The following PHF14 variants were observed in gnomAD, a reference collection of about 807,000 sequenced individuals.
The protein encoded by PHF14 is PHD finger protein 14.
In PHF14, 55 loss-of-function variants were observed where a neutral mutation model predicts 117.9. The ratio of observed to expected loss-of-function variants is 0.47; its 90% CI spans 0.38 to 0.58. The LOEUF is 0.58. Among genes scored for constraint, PHF14 ranks in the 20% least tolerant of loss-of-function variants. The probability of loss-of-function intolerance (pLI) is 0.00; values close to 1 mark genes in which losing one functional copy is unlikely to be tolerated. For missense variants in PHF14, 978 were observed against 1,122.2 expected (o/e 0.87, Z 1.84); for synonymous variants, 409 against 368.6 (o/e 1.11, Z -1.26).
At chr7:11,072,576 G>A (rs1785653299) in intron 16 of PHF14, among the ~76,000 whole-genome samples, 1 of 152,112 alleles carries the variant, frequency 6.6e-6, no homozygotes, top group Non-Finnish European at 1.5e-5. Flanking sequence ...AAGTAATACC[G>A]TACAAGTAAA....
chr7:10,974,998 T>G, intron 2 of PHF14, 53 bp downstream of exon 2: 1 of 867,466 alleles, frequency 1.2e-6, no homozygotes, highest in Non-Finnish European at 1.8e-6. Context: ...GTTAGGCTTA[T>G]TTTTAGACTT....
chr7:11,077,571 G>T (rs9768601), intron 16 of PHF14, among the ~76,000 whole-genome samples: 1 of 144,404 alleles, frequency 6.9e-6, no homozygotes, highest in Non-Finnish European at 1.5e-5. Context: ...ACTGCACTCC[G>T]GCCTGGCAAC....
chr7:11,066,024 C>T (rs998302616), intron 16 of PHF14, among the ~76,000 whole-genome samples: 1 of 152,162 alleles, frequency 6.6e-6, no homozygotes, highest in Non-Finnish European at 1.5e-5. Flanking sequence ...GCCAGATTCT[C>T]CCCTTTATTT....
chr7:11,027,430 A>G (rs1020028787), intron 6 of PHF14, among the ~76,000 whole-genome samples: 4 of 152,092 alleles, frequency 2.6e-5, no homozygotes, highest in Non-Finnish European at 5.9e-5. Context: ...TTAATTGTCC[A>G]TTGTCAGTCT....
chr7:11,094,258 C>T (rs2128339538), intron 16 of PHF14, among the ~76,000 whole-genome samples: 2 of 152,238 alleles, frequency 1.3e-5, no homozygotes, highest in South Asian at 4.1e-4. Context: ...AAAATTTTTT[C>T]ATAATTTTGG....
At chr7:10,984,092 A>G (rs1042778682) in intron 3 of PHF14, among the ~76,000 whole-genome samples, 2 of 152,160 alleles carry the variant, frequency 1.3e-5, no homozygotes, top group African/African-American at 4.8e-5. Flanking sequence ...TTTCTTTACC[A>G]AACACTTATT....
intron 17 of PHF14, among the ~76,000 whole-genome samples, chr7:11,139,234 A>G (rs373950707): frequency 2.0e-5 from 3 of 152,170 alleles, no homozygotes; most frequent in African/African-American, 7.2e-5. Flanking sequence ...TAAAAAACAT[A>G]TTGAGAGAAA....
intron 5 of PHF14, among the ~76,000 whole-genome samples, chr7:11,014,490 C>G (rs1351510863): frequency 6.6e-6 from 1 of 151,986 alleles, no homozygotes; most frequent in Non-Finnish European, 1.5e-5. Flanking sequence ...ATAGTTAAAC[C>G]CTACTGGATG....
At chr7:11,143,126 C>G (rs939299808) in intron 17 of PHF14, among the ~76,000 whole-genome samples, 1 of 151,982 alleles carries the variant, frequency 6.6e-6, no homozygotes, top group Non-Finnish European at 1.5e-5. Flanking sequence ...TGATAATTGG[C>G]TTTTTCAACA....
chr7:11,106,961 TA>T, intron 16 of PHF14: 1 of 983,866 alleles, frequency 1.0e-6, no homozygotes, highest in Non-Finnish European at 1.2e-6. Flanking sequence ...AACTTGATCA[TA>T]AAAATGTACA....
chr7:11,054,691 C>G (rs564213318), intron 14 of PHF14, among the ~76,000 whole-genome samples: 1 of 152,124 alleles, frequency 6.6e-6, no homozygotes, highest in Non-Finnish European at 1.5e-5. Flanking sequence ...AGCTTACTAA[C>G]TTGTATAAAT....
Position 11,042,698 on chromosome 7 carries a change from G to GAA in PHF14, c.2197_2198dup (p.Asn734ArgfsTer76), listed in dbSNP as rs767216081. 6.3e-7 allele frequency: 1 copy of GAA among 1,583,458 alleles called. No homozygotes were observed. The highest frequency in any genetic ancestry group is 8.6e-7 in the Non-Finnish European group (1 of 1,164,342). On this transcript the variant is annotated frameshift_variant, in exon 13 of 18. Transcript: ENST00000634607. LOFTEE classifies it high-confidence loss of function. Reference sequence around the variant, plus strand: ...TTATTAAAAGTTGTGGGATTTGTAAGAAGAACCATGATCAGCATCTTCTTT... The same window carrying GAA: ...TTATTAAAAGTTGTGGGATTTGTAAGAAAAGAACCATGATCAGCATCTTCTTT...
Position 11,033,855 on chromosome 7 carries a change from A to G in PHF14, c.1456-1785A>G, listed in dbSNP as rs1045920285. Among the ~76,000 whole-genome samples, 4 of 152,300 alleles carry G rather than the reference A, an allele frequency of 2.6e-5. No homozygotes were observed. In the East Asian group the frequency reaches 7.7e-4, roughly 29 times the overall value. On this transcript the variant is annotated intron_variant, in intron 7 of 17. Transcript: ENST00000634607. ...CTGTCACCAAGATTTAGAGCATGTC[A>G]TGAGAAAGCAGCTGTTTGTATGTGT...
intron 17 of PHF14, among the ~76,000 whole-genome samples, chr7:11,138,341 G>A (rs535363412): frequency 2.6e-5 from 4 of 151,904 alleles, no homozygotes; most frequent in East Asian, 1.9e-4. Flanking sequence ...GCGCCTGGCC[G>A]GAAAAATATT....
intron 17 of PHF14, among the ~76,000 whole-genome samples, chr7:11,158,188 T>G (rs1225146221): frequency 6.6e-6 from 1 of 152,172 alleles, no homozygotes; most frequent in Non-Finnish European, 1.5e-5. Flanking sequence ...CAGGATCTCC[T>G]GTTTCATTTT....
At chr7:11,027,600 C>T (rs1341689670) in intron 6 of PHF14, among the ~76,000 whole-genome samples, 2 of 151,832 alleles carry the variant, frequency 1.3e-5, no homozygotes, top group Non-Finnish European at 1.5e-5. Context: ...ACAGTTCATA[C>T]CTTGGTTTTA....
At chr7:11,058,771 A>G (rs554509451) in intron 14 of PHF14, among the ~76,000 whole-genome samples, 55 of 152,364 alleles carry the variant, frequency 3.6e-4, no homozygotes, top group Non-Finnish European at 6.8e-4. Context: ...GGATTAAAGT[A>G]TTAATCTTGG....
intron 16 of PHF14, among the ~76,000 whole-genome samples, chr7:11,087,472 G>A (rs2128337887): frequency 6.6e-6 from 1 of 152,302 alleles, no homozygotes; most frequent in South Asian, 2.1e-4. Flanking sequence ...TTACAGGCAT[G>A]AGCCACTGCG....
chr7:11,068,331 C>G (rs1436070350), intron 16 of PHF14, among the ~76,000 whole-genome samples: 1 of 115,554 alleles, frequency 8.7e-6, no homozygotes, highest in Non-Finnish European at 1.6e-5. Flanking sequence ...GCCTGGGTGA[C>G]AGAGCGAGAC....
Sources: gnomAD v4.1 joint callset for allele counts (sites outside exome capture counted in the v4.1 genomes callset) on GRCh38, gnomAD v4.1.1 for gene constraint, MANE v1.5 for transcripts, NCBI Gene and HGNC (gene_info 2026-07-23, HGNC 2026-07-21) for gene names.